The following HNF4G variants were observed in gnomAD, a reference collection of about 807,000 sequenced individuals.
The protein encoded by HNF4G is hepatocyte nuclear factor 4 gamma, also known as hepatocyte nuclear factor 4-gamma.
A neutral mutation model predicts 50.9 loss-of-function variants in HNF4G; 21 were observed. That is an observed-to-expected ratio of 0.41 (90% CI 0.29 to 0.59). The LOEUF (loss-of-function observed/expected upper bound fraction) is 0.59. Among genes scored for constraint, HNF4G ranks in the 20% least tolerant of loss-of-function variants. The pLI is 0.26. For missense variants in HNF4G, 527 were observed against 559.4 expected (o/e 0.94, Z 0.58); for synonymous variants, 198 against 185.6 (o/e 1.07, Z -0.54).
At chr8:75,518,022 T>C (rs913885713) in intron 2 of HNF4G, among the ~76,000 whole-genome samples, 6 of 151,740 alleles carry the variant, frequency 4.0e-5, no homozygotes, top group African/African-American at 1.2e-4. Context: ...AGTTTTAGGG[T>C]ACATGTGCAC....
chr8:75,531,030 G>A (rs1489594984), intron 2 of HNF4G, among the ~76,000 whole-genome samples: 1 of 152,058 alleles, frequency 6.6e-6, no homozygotes, highest in African/African-American at 2.4e-5. Context: ...CTGACCTCAG[G>A]TGATCCATCC....
intron 1 of HNF4G, among the ~76,000 whole-genome samples, chr8:75,449,426 C>G (rs1049301546): frequency 1.7e-4 from 26 of 151,294 alleles, no homozygotes; most frequent in Non-Finnish European, 3.2e-4. Context: ...TACATGATGT[C>G]TTGATATATG....
At chr8:75,510,743 G>A (rs746614006) in intron 2 of HNF4G, among the ~76,000 whole-genome samples, 15 of 151,976 alleles carry the variant, frequency 9.9e-5, no homozygotes, top group African/African-American at 2.7e-4. Flanking sequence ...TGATGTTTGC[G>A]CAACAATGAA....
chr8:75,435,690 T>G (rs968774727), intron 1 of HNF4G, among the ~76,000 whole-genome samples: 2 of 152,144 alleles, frequency 1.3e-5, no homozygotes, highest in Non-Finnish European at 2.9e-5. Context: ...GCCTCCCGGA[T>G]TCAAGCAATT....
chr8:75,559,993 A>G (rs1399593802), intron 8 of HNF4G, among the ~76,000 whole-genome samples: 1 of 152,182 alleles, frequency 6.6e-6, no homozygotes, highest in Non-Finnish European at 1.5e-5. Flanking sequence ...TCTTTCTGAA[A>G]TGAAAGTTGT....
chr8:75,418,230 T>C (rs748217798), intron 1 of HNF4G, among the ~76,000 whole-genome samples: 4 of 152,114 alleles, frequency 2.6e-5, no homozygotes, highest in African/African-American at 7.2e-5. Flanking sequence ...CCTGATCTCC[T>C]TTTATAAGGA....
chr8:75,428,834 T>C (rs1810942578), intron 1 of HNF4G, among the ~76,000 whole-genome samples: 2 of 152,172 alleles, frequency 1.3e-5, no homozygotes, highest in Admixed American at 1.3e-4. Context: ...TGAGATATTT[T>C]AAGCAGGGAG....
chr8:75,422,116 A>T (rs1810789770), intron 1 of HNF4G, among the ~76,000 whole-genome samples: 1 of 152,142 alleles, frequency 6.6e-6, no homozygotes, highest in African/African-American at 2.4e-5. Context: ...CTCCCTAGTG[A>T]CTATTCCATA....
At chr8:75,519,660 T>C (rs1303912530) in intron 2 of HNF4G, among the ~76,000 whole-genome samples, 8 of 152,168 alleles carry the variant, frequency 5.3e-5, no homozygotes, top group African/African-American at 1.9e-4. Context: ...TGCCTCCCAC[T>C]GGGTCCCTGT....
chr8:75,496,695 T>C (rs71529217), intron 2 of HNF4G, among the ~76,000 whole-genome samples: 1,914 of 152,166 alleles, frequency 0.013, 20 homozygotes, highest in Non-Finnish European at 0.016. Context: ...ATTTGGTTTT[T>C]ATTCCATGAA....
chr8:75,418,891 C>T (rs1302290894), intron 1 of HNF4G, among the ~76,000 whole-genome samples: 1 of 152,014 alleles, frequency 6.6e-6, no homozygotes, highest in Non-Finnish European at 1.5e-5. Context: ...GCATGCTTGG[C>T]TAATTTTGTA....
At chr8:75,486,330 C>T (rs1812496542) in intron 1 of HNF4G, among the ~76,000 whole-genome samples, 1 of 152,158 alleles carries the variant, frequency 6.6e-6, no homozygotes, top group Non-Finnish European at 1.5e-5. Context: ...TTATAGAGAC[C>T]TCAACATGCT....
chr8:75,481,530 A>G (rs1207217609), intron 1 of HNF4G, among the ~76,000 whole-genome samples: 1 of 152,112 alleles, frequency 6.6e-6, no homozygotes. Flanking sequence ...TTGTTCTGTT[A>G]GGGTTGCTAT....
intron 2 of HNF4G, among the ~76,000 whole-genome samples, chr8:75,502,320 G>A (rs997189406): frequency 6.6e-6 from 1 of 152,070 alleles, no homozygotes; most frequent in Admixed American, 6.6e-5. Flanking sequence ...TCCTCATGAG[G>A]ATACCCTGTA....
intron 2 of HNF4G, among the ~76,000 whole-genome samples, chr8:75,545,240 TG>T (rs1806740203): frequency 4.7e-5 from 1 of 21,386 alleles, no homozygotes; most frequent in Non-Finnish European, 8.1e-5. Context: ...TAAAATTGAA[TG>T]TGTGTGTGTG....
At chr8:75,520,847 C>T (rs1234603284) in intron 2 of HNF4G, among the ~76,000 whole-genome samples, 1 of 151,972 alleles carries the variant, frequency 6.6e-6, no homozygotes, top group African/African-American at 2.4e-5. Flanking sequence ...ATTTTTCTGA[C>T]AAAACTTATT....
intron 1 of HNF4G, among the ~76,000 whole-genome samples, chr8:75,447,034 C>T (rs2130563896): frequency 6.9e-6 from 1 of 145,324 alleles, no homozygotes; most frequent in Admixed American, 6.9e-5. Flanking sequence ...TCAAAGTATA[C>T]TACAAGGCTA....
chr8:75,456,717 A>C (rs2130594565), intron 1 of HNF4G, among the ~76,000 whole-genome samples: 1 of 151,590 alleles, frequency 6.6e-6, no homozygotes, highest in African/African-American at 2.4e-5. Flanking sequence ...TATTTTATTT[A>C]TTTAATTTAT....
At chr8:75,526,780 T>C (rs1359262744) in intron 2 of HNF4G, among the ~76,000 whole-genome samples, 1 of 142,218 alleles carries the variant, frequency 7.0e-6, no homozygotes, top group Non-Finnish European at 1.5e-5. Context: ...TTTTTTTTTT[T>C]CTTTGAGATG....
Sources: allele counts gnomAD v4.1 joint callset (sites outside exome capture counted in the v4.1 genomes callset), GRCh38; gene constraint gnomAD v4.1.1; transcripts MANE v1.5; gene names NCBI Gene and HGNC (gene_info 2026-07-23, HGNC 2026-07-21).